CTNNA3: variants seen among roughly 807,000 people sequenced by gnomAD.
CTNNA3 encodes the protein catenin alpha-3.
Under a neutral mutation model 95.7 loss-of-function variants are expected in CTNNA3, and 76 were observed. The observed-to-expected ratio is 0.79, with a 90% confidence interval of 0.66 to 0.96. The LOEUF is 0.96. CTNNA3 is among the 40% of genes least tolerant of loss of function. The probability of loss-of-function intolerance (pLI) is 0.00; values close to 1 mark genes in which losing one functional copy is unlikely to be tolerated. For synonymous variants in CTNNA3, 431 were observed against 374.4 expected (o/e 1.15, Z -1.74); for missense variants, 1,191 against 1,089.8 (o/e 1.09, Z -1.31).
At chr10:66,212,104 C>T (rs2088206840) in intron 13 of CTNNA3, among the ~76,000 whole-genome samples, 1 of 146,684 alleles carries the variant, frequency 6.8e-6, no homozygotes, top group Non-Finnish European at 1.5e-5. Flanking sequence ...ATTCTCCTGT[C>T]TCAGCCTCCT....
chr10:66,274,487 G>T (rs2091350821), intron 13 of CTNNA3, among the ~76,000 whole-genome samples: 2 of 151,976 alleles, frequency 1.3e-5, no homozygotes, highest in South Asian at 4.2e-4. Context: ...GAAATGTTTG[G>T]CAAACAGTCA....
rs901783247 is a variant in CTNNA3 at position 66,753,528 on chromosome 10, G to A, written c.1281+12736C>T. On this transcript the variant is annotated intron_variant, in intron 9 of 17. Transcript: ENST00000433211. ...AAACACAAAATTAGCCAGGCGTGGT[G>A]GTGGGCACCCGTAATCCCAGCTACT... is the stretch of plus-strand genomic sequence containing the variant. Among the ~76,000 whole-genome samples the A allele has an allele frequency of 5.9e-5, 9 of 152,040 alleles. No homozygotes were observed. The South Asian group carries it at 8.3e-4, about 14-fold the overall frequency.
chr10:66,710,158 G>A (rs899559266), intron 9 of CTNNA3, among the ~76,000 whole-genome samples: 3 of 152,102 alleles, frequency 2.0e-5, no homozygotes, highest in Non-Finnish European at 1.5e-5. Flanking sequence ...TGTGTTTAGG[G>A]CAACAGCAGT....
At chr10:66,409,468 T>C (rs769809289) in intron 11 of CTNNA3, among the ~76,000 whole-genome samples, 21 of 152,174 alleles carry the variant, frequency 1.4e-4, no homozygotes, top group Non-Finnish European at 2.9e-4. Context: ...GTTCAATAGT[T>C]ACTGTGGGGA....
intron 7 of CTNNA3, among the ~76,000 whole-genome samples, chr10:67,010,756 C>T (rs1852272288): frequency 6.6e-6 from 1 of 152,180 alleles, no homozygotes; most frequent in Non-Finnish European, 1.5e-5. Flanking sequence ...GTTTGCCATA[C>T]CCCAAATGCT....
At chr10:65,959,177 T>A (rs553587370) in intron 17 of CTNNA3, among the ~76,000 whole-genome samples, 22 of 152,200 alleles carry the variant, frequency 1.4e-4, no homozygotes, top group Admixed American at 1.4e-3. Context: ...TCTGTGGGAG[T>A]GGGACCCTCC....
chr10:66,947,249 T>G (rs760265051), intron 7 of CTNNA3, among the ~76,000 whole-genome samples: 1 of 152,204 alleles, frequency 6.6e-6, no homozygotes, highest in Non-Finnish European at 1.5e-5. Context: ...AATTACTCTC[T>G]GATTACTCTC....
At chr10:66,721,690 T>G (rs530113072) in intron 9 of CTNNA3, among the ~76,000 whole-genome samples, 3 of 152,284 alleles carry the variant, frequency 2.0e-5, no homozygotes, top group Admixed American at 2.0e-4. Flanking sequence ...TGGGGAATGT[T>G]TGGGAGACCA....
intron 9 of CTNNA3, among the ~76,000 whole-genome samples, chr10:66,655,575 T>C (rs1011519855): frequency 1.3e-5 from 2 of 151,996 alleles, no homozygotes; most frequent in Admixed American, 1.3e-4. Context: ...GAAGAAAACA[T>C]GGAATGAATG....
rs561603526 is a variant in CTNNA3, at chr10:66,286,120, C to A, written c.1733-5499G>T. On this transcript the variant is annotated intron_variant, in intron 12 of 17. Coordinates refer to ENST00000433211, the MANE Select transcript of CTNNA3 (RefSeq NM_013266.4). ...GTACATTTTTAGGGAATATACATAT[C>A]AGTAGACTTGCTGGGCCATAGTATA... Among the ~76,000 whole-genome samples, 10 of 151,976 alleles carry A rather than the reference C, an allele frequency of 6.6e-5. No individual in the cohort carries two copies. In the South Asian group the frequency reaches 2.1e-3, roughly 32 times the overall value.
intron 10 of CTNNA3, among the ~76,000 whole-genome samples, chr10:66,579,301 A>G (rs950066755): frequency 6.6e-6 from 1 of 151,852 alleles, no homozygotes; most frequent in Non-Finnish European, 1.5e-5. Flanking sequence ...GCTCAGTTGC[A>G]TTACAAAAGA....
intron 2 of CTNNA3, among the ~76,000 whole-genome samples, chr10:67,631,072 T>C (rs770853354): frequency 2.0e-5 from 3 of 152,230 alleles, no homozygotes; most frequent in Non-Finnish European, 4.4e-5. Context: ...ACTTTCTGCA[T>C]TGCATTGCCA....
chr10:66,534,608 T>C (rs1841589646), intron 10 of CTNNA3, among the ~76,000 whole-genome samples: 1 of 149,976 alleles, frequency 6.7e-6, no homozygotes, highest in Non-Finnish European at 1.5e-5. Flanking sequence ...CTTTCTTAAA[T>C]TAGAAGCTTT....
At chr10:67,176,922 G>T (rs777704519) in intron 7 of CTNNA3, 1 of 505,056 alleles carries the variant, frequency 2.0e-6, no homozygotes, top group Non-Finnish European at 4.0e-6. Flanking sequence ...AGAAAATAAT[G>T]CATTCCTCCA....
At chr10:67,090,502 T>C (rs1857567345) in intron 7 of CTNNA3, among the ~76,000 whole-genome samples, 2 of 152,108 alleles carry the variant, frequency 1.3e-5, no homozygotes, top group Admixed American at 6.6e-5. Flanking sequence ...GATAGAGTGA[T>C]AGATAAGCAA....
At position 67,726,429 on chromosome 10, in the gene CTNNA3, T is replaced by A. The variant is rs1328604471; in HGVS notation, c.-2+37005A>T. 1.4e-3 allele frequency among the ~76,000 whole-genome samples: 7 copies of A among 5,082 alleles called. No individual in the cohort carries two copies. In the East Asian group the frequency reaches 0.032, roughly 23 times the overall value. The allele number at this position is 5,082 out of a possible 152,430, so 3.3% of individuals were successfully genotyped here. ...ATATCATATATAATATTATATATTA[T>A]ATCATATATAATATATAATATTATA... On this transcript the variant is annotated intron_variant, in intron 1 of 17. Coordinates refer to the CTNNA3 transcript ENST00000684154.
intron 12 of CTNNA3, among the ~76,000 whole-genome samples, chr10:66,334,303 A>G (rs2092369027): frequency 6.6e-6 from 1 of 151,740 alleles, no homozygotes; most frequent in Non-Finnish European, 1.5e-5. Context: ...TCGTTAGTTG[A>G]TGTAGTTTCT....
intron 11 of CTNNA3, among the ~76,000 whole-genome samples, chr10:66,434,721 C>A: frequency 6.6e-6 from 1 of 152,120 alleles, no homozygotes; most frequent in Non-Finnish European, 1.5e-5. Context: ...CTTGCCTGTG[C>A]TGGTTTTCAA....
At chr10:66,038,479 T>TG (rs1049038476) in intron 15 of CTNNA3, among the ~76,000 whole-genome samples, 2 of 152,066 alleles carry the variant, frequency 1.3e-5, no homozygotes, top group Non-Finnish European at 2.9e-5. Flanking sequence ...TGTCTCATTG[T>TG]GAAAAAAAAA....
Sources: allele counts gnomAD v4.1 joint callset (sites outside exome capture counted in the v4.1 genomes callset), GRCh38; gene constraint gnomAD v4.1.1; transcripts MANE v1.5; gene names NCBI Gene and HGNC (gene_info 2026-07-23, HGNC 2026-07-21).